The following ADCY8 variants were observed in gnomAD, a reference collection of about 807,000 sequenced individuals.
ADCY8 encodes adenylate cyclase type 8.
A neutral mutation model predicts 119.7 loss-of-function variants in ADCY8; 51 were observed. That is an observed-to-expected ratio of 0.43 (90% CI 0.34 to 0.54). ADCY8 has a LOEUF of 0.54. Among genes scored for constraint, ADCY8 ranks in the 20% least tolerant of loss-of-function variants. ADCY8 has a pLI of 0.03. For synonymous variants in ADCY8, 665 were observed against 651.0 expected (o/e 1.02, Z -0.33); for missense variants, 1,383 against 1,598.8 (o/e 0.87, Z 2.30).
intron 5 of ADCY8, among the ~76,000 whole-genome samples, chr8:130,921,907 T>C (rs1188151990): frequency 6.6e-6 from 1 of 152,130 alleles, no homozygotes; most frequent in East Asian, 1.9e-4. Flanking sequence ...GAAAGGGGGC[T>C]TTTAAGAGGT....
chr8:130,815,308 G>A (rs1401303905), intron 13 of ADCY8, among the ~76,000 whole-genome samples: 1 of 152,144 alleles, frequency 6.6e-6, no homozygotes, highest in Non-Finnish European at 1.5e-5. Flanking sequence ...TGTTATGTAC[G>A]ACAGGTGGAG....
chr8:130,995,863 G>A (rs1822757356), intron 1 of ADCY8, among the ~76,000 whole-genome samples: 1 of 152,080 alleles, frequency 6.6e-6, no homozygotes, highest in Non-Finnish European at 1.5e-5. Context: ...TGCCGCACTG[G>A]ATTGTGAGTT....
chr8:130,814,002 C>T, intron 14 of ADCY8, 67 bp downstream of exon 14: 1 of 1,571,298 alleles, frequency 6.4e-7, no homozygotes, highest in Non-Finnish European at 8.7e-7. Flanking sequence ...AGTTTGGGAT[C>T]AATGTGAACA....
intron 15 of ADCY8, among the ~76,000 whole-genome samples, chr8:130,799,842 G>A (rs1426538920): frequency 1.3e-5 from 2 of 152,140 alleles, no homozygotes; most frequent in African/African-American, 4.8e-5. Flanking sequence ...GTAACTGGAT[G>A]GACACTGGTG....
chr8:130,948,296 A>G (rs983838148), intron 3 of ADCY8, among the ~76,000 whole-genome samples: 1 of 152,250 alleles, frequency 6.6e-6, no homozygotes. Context: ...GGAAAGATCA[A>G]TACAATCGGG....
chr8:130,872,388 A>G (rs1263897312), intron 8 of ADCY8, among the ~76,000 whole-genome samples: 1 of 152,208 alleles, frequency 6.6e-6, no homozygotes, highest in African/African-American at 2.4e-5. Context: ...TAGAGAATCC[A>G]GTGAGTTTTG....
intron 1 of ADCY8, among the ~76,000 whole-genome samples, chr8:130,996,842 A>C (rs932938136): frequency 1.3e-5 from 2 of 152,194 alleles, no homozygotes; most frequent in African/African-American, 4.8e-5. Context: ...TGCTGATATG[A>C]AGGAACTTTA....
Position 130,945,284 on chromosome 8 carries a change from A to G in ADCY8, c.1242-1822T>C, listed in dbSNP as rs185825834. 3.4e-3 allele frequency among the ~76,000 whole-genome samples: 523 copies of G among 152,354 alleles called. 7 individuals are homozygous for G. Among genetic ancestry groups the G allele is most frequent in the African/African-American group, 0.012 (509 of 41,594 alleles). ...GTAGACTTTGTCCTGAAAGTGATGG[A>G]AAGCTAGTGAATGGGATTTAAGCAT... On this transcript the variant is annotated intron_variant, in intron 3 of 17. Transcript: ENST00000286355.
chr8:130,818,548 C>T (rs1454505626), intron 13 of ADCY8, among the ~76,000 whole-genome samples: 3 of 152,228 alleles, frequency 2.0e-5, no homozygotes, highest in Non-Finnish European at 4.4e-5. Flanking sequence ...AGTTACATAA[C>T]CACCTCCGTC....
chr8:130,880,001 C>T (rs549076776), intron 8 of ADCY8, among the ~76,000 whole-genome samples: 3 of 152,232 alleles, frequency 2.0e-5, no homozygotes, highest in African/African-American at 4.8e-5. Flanking sequence ...GAATGGGTCT[C>T]GTGAGATCTA....
intron 2 of ADCY8, among the ~76,000 whole-genome samples, chr8:130,962,434 C>T (rs753148565): frequency 4.6e-5 from 7 of 152,196 alleles, no homozygotes; most frequent in South Asian, 2.1e-4. Context: ...TGCTCACATT[C>T]TGCACATCTT....
rs544504929 is a variant in ADCY8 at position 130,925,760 on chromosome 8, T to A, written c.1481+11313A>T. On this transcript the variant is annotated intron_variant, in intron 5 of 17. Transcript: ENST00000286355. Reference sequence around the variant, plus strand: ...GATAAATGTTTGGTTTAATTAAAATTTGTATGTCACATATTGTCTGTTGGG... The same window carrying A: ...GATAAATGTTTGGTTTAATTAAAATATGTATGTCACATATTGTCTGTTGGG... Among the ~76,000 whole-genome samples, 253 of 152,382 alleles carry A rather than the reference T, an allele frequency of 1.7e-3. 1 individual carries two copies. Among genetic ancestry groups the A allele is most frequent in the Non-Finnish European group, 3.0e-3 (205 of 68,040 alleles).
chr8:131,036,825 A>G (rs941341424), intron 1 of ADCY8, among the ~76,000 whole-genome samples: 1 of 152,194 alleles, frequency 6.6e-6, no homozygotes, highest in Non-Finnish European at 1.5e-5. Flanking sequence ...CCTAATGAAG[A>G]GAATACAAGA....
At chr8:130,837,186 T>C (rs1817015769) in intron 11 of ADCY8, among the ~76,000 whole-genome samples, 1 of 152,204 alleles carries the variant, frequency 6.6e-6, no homozygotes, top group Non-Finnish European at 1.5e-5. Context: ...CTCTACTCCA[T>C]ATTTCTAAAG....
chr8:131,036,604 T>C (rs1030056972), intron 1 of ADCY8, among the ~76,000 whole-genome samples: 3 of 152,238 alleles, frequency 2.0e-5, no homozygotes. Flanking sequence ...ACATAGTAGA[T>C]ATAAACAAAT....
At chr8:131,005,475 A>C (rs1823085508) in intron 1 of ADCY8, among the ~76,000 whole-genome samples, 1 of 152,164 alleles carries the variant, frequency 6.6e-6, no homozygotes, top group African/African-American at 2.4e-5. Context: ...CTAGTCACAC[A>C]GGATAACTTG....
At chr8:130,987,464 A>G (rs942273888) in intron 2 of ADCY8, among the ~76,000 whole-genome samples, 17 of 151,400 alleles carry the variant, frequency 1.1e-4, no homozygotes, top group African/African-American at 4.1e-4. Context: ...TTCACGGTTG[A>G]ACAAATTAAA....
chr8:130,897,401 C>T (rs75687443), intron 7 of ADCY8, among the ~76,000 whole-genome samples: 3,296 of 152,094 alleles, frequency 0.022, 74 homozygotes, highest in South Asian at 0.08. Flanking sequence ...ATTTCCTTTT[C>T]TTCTGGTATC....
At chr8:131,022,669 C>T (rs1823710640) in intron 1 of ADCY8, among the ~76,000 whole-genome samples, 1 of 152,146 alleles carries the variant, frequency 6.6e-6, no homozygotes, top group Non-Finnish European at 1.5e-5. Flanking sequence ...AAAGAATGAA[C>T]CATTTCTCAA....
Sources: gnomAD v4.1 joint callset for allele counts (sites outside exome capture counted in the v4.1 genomes callset) on GRCh38, gnomAD v4.1.1 for gene constraint, MANE v1.5 for transcripts, NCBI Gene and HGNC (gene_info 2026-07-23, HGNC 2026-07-21) for gene names.